Variants in HS6ST2 observed in about 807,000 individuals in gnomAD.
The protein encoded by HS6ST2 is heparan sulfate 6-O-sulfotransferase 2.
HS6ST2 carries 17 observed loss-of-function variants against 33.0 expected under a neutral mutation model. That is an observed-to-expected ratio of 0.52 (90% CI 0.35 to 0.77). The LOEUF (loss-of-function observed/expected upper bound fraction) is 0.77. HS6ST2 is among the 30% of genes least tolerant of loss of function. HS6ST2 has a pLI of 0.01. For synonymous variants in HS6ST2, 248 were observed against 237.1 expected (o/e 1.05, Z -0.42); for missense variants, 519 against 551.7 (o/e 0.94, Z 0.59).
intron 2 of HS6ST2, among the ~76,000 whole-genome samples, chrX:132,844,469 G>C (rs765739546): frequency 7.2e-5 from 8 of 111,499 alleles, no homozygotes; most frequent in Non-Finnish European, 1.3e-4. Context: ...TAAAGGTTCT[G>C]CCTGGATGAG....
intron 4 of HS6ST2, 42 bp from the exon 5 acceptor site, chrX:132,629,135 G>A (rs770666500): frequency 4.4e-6 from 5 of 1,141,736 alleles, no homozygotes; most frequent in East Asian, 3.2e-5. Context: ...AGATATGGGC[G>A]AAATAAGTGG....
intron 3 of HS6ST2, among the ~76,000 whole-genome samples, chrX:132,672,184 A>G (rs756782699): frequency 1.4e-3 from 159 of 111,059 alleles, no homozygotes; most frequent in Non-Finnish European, 2.4e-3. Context: ...GCAAAGACCT[A>G]AAGATTAAGA....
chrX:132,681,075 AT>A (rs2063967315), intron 3 of HS6ST2, among the ~76,000 whole-genome samples: 1 of 109,087 alleles, frequency 9.2e-6, no homozygotes, highest in South Asian at 4.0e-4. Flanking sequence ...TGGTGCACTT[AT>A]CTGATTAGCT....
chrX:132,715,311 T>C (rs934334700), intron 2 of HS6ST2, among the ~76,000 whole-genome samples: 7 of 111,516 alleles, frequency 6.3e-5, no homozygotes, highest in African/African-American at 2.3e-4. Context: ...GTCATGTGCC[T>C]GTGGTCCCAG....
At chrX:132,807,254 T>C (rs961141065) in intron 2 of HS6ST2, among the ~76,000 whole-genome samples, 9 of 110,503 alleles carry the variant, frequency 8.1e-5, no homozygotes, top group South Asian at 3.8e-4. Context: ...CCCAGGAAGA[T>C]GTGAATACAG....
intron 2 of HS6ST2, among the ~76,000 whole-genome samples, chrX:132,935,549 G>A (rs184584558): frequency 1.4e-4 from 16 of 111,802 alleles, no homozygotes; most frequent in Non-Finnish European, 3.0e-4. Context: ...ATTTTTGGTA[G>A]AAATAGAGTT....
At chrX:132,793,048 CTTTTTTT>C (rs755535720) in intron 2 of HS6ST2, among the ~76,000 whole-genome samples, 1 of 53,247 alleles carries the variant, frequency 1.9e-5, no homozygotes, top group Non-Finnish European at 3.1e-5. Context: ...AAATAAACTC[CTTTTTTT>C]TTTTTTTTTT....
chrX:132,825,423 G>A (rs937183771), intron 2 of HS6ST2, among the ~76,000 whole-genome samples: 14 of 111,601 alleles, frequency 1.3e-4, no homozygotes, highest in Admixed American at 7.6e-4. Context: ...GAGGTGGTAC[G>A]TCAGCACTTG....
chrX:132,692,232 C>T (rs1168092770), intron 3 of HS6ST2, among the ~76,000 whole-genome samples: 1 of 111,226 alleles, frequency 9.0e-6, no homozygotes, highest in Admixed American at 9.5e-5. Context: ...CTCAGTTTAA[C>T]AATGATCAGG....
intron 2 of HS6ST2, among the ~76,000 whole-genome samples, chrX:132,850,015 T>C (rs980352955): frequency 1.8e-5 from 2 of 112,202 alleles, no homozygotes; most frequent in African/African-American, 3.2e-5. Flanking sequence ...AACTACCTCT[T>C]AGCAGAAGGC....
chrX:132,931,952 G>C (rs62599053), intron 2 of HS6ST2, among the ~76,000 whole-genome samples: 2 of 107,861 alleles, frequency 1.9e-5, no homozygotes, highest in African/African-American at 3.4e-5. Context: ...TTTGGGAGCC[G>C]AAGGTGGGCG....
intron 3 of HS6ST2, 63 bp downstream of exon 3, chrX:132,708,399 T>C (rs1263876650): frequency 3.7e-6 from 3 of 819,352 alleles, no homozygotes; most frequent in Admixed American, 4.1e-5. Context: ...GACAGGCAAC[T>C]GCAGAGTCTC....
chrX:132,636,469 T>G (rs2063551613), intron 4 of HS6ST2, among the ~76,000 whole-genome samples: 1 of 112,041 alleles, frequency 8.9e-6, no homozygotes, highest in Non-Finnish European at 1.9e-5. Flanking sequence ...AAGAATCTTA[T>G]TTTTTATTCT....
In HS6ST2 at chrX:132,883,133, T is replaced by C. The variant is rs374366507; in HGVS notation, c.947+73675A>G. On this transcript the variant is annotated intron_variant, in intron 2 of 4. Transcript: ENST00000370833. Reference sequence around the variant, plus strand: ...GCCAGGCTTTGGTATCAGGATGATGTTGGCCTCATAAAATGAGTTAGGGAG... The same window carrying C: ...GCCAGGCTTTGGTATCAGGATGATGCTGGCCTCATAAAATGAGTTAGGGAG... Among the ~76,000 whole-genome samples the C allele has an allele frequency of 4.5e-5, 5 of 111,374 alleles. No individual in the cohort carries two copies. The East Asian group carries it at 1.4e-3, about 31-fold the overall frequency.
intron 2 of HS6ST2, among the ~76,000 whole-genome samples, chrX:132,808,250 T>C (rs1454517972): frequency 8.9e-6 from 1 of 112,204 alleles, no homozygotes; most frequent in Admixed American, 9.4e-5. Context: ...CATTTCCAAA[T>C]GTCACACTCC....
chrX:132,751,588 T>C (rs1212237292), intron 2 of HS6ST2, among the ~76,000 whole-genome samples: 1 of 112,085 alleles, frequency 8.9e-6, no homozygotes, highest in Non-Finnish European at 1.9e-5. Context: ...CTGGAAACCC[T>C]TTCTTGACCA....
At chrX:132,736,436 A>C (rs1479071622) in intron 2 of HS6ST2, among the ~76,000 whole-genome samples, 1 of 111,828 alleles carries the variant, frequency 8.9e-6, no homozygotes, top group East Asian at 2.8e-4. Context: ...ACGTCTTTTA[A>C]GTACTCTCTA....
At chrX:132,950,800 C>CT (rs752207768) in intron 2 of HS6ST2, among the ~76,000 whole-genome samples, 37 of 110,986 alleles carry the variant, frequency 3.3e-4, no homozygotes, top group South Asian at 1.9e-3. Context: ...TTCGTTTTGG[C>CT]TTTTTTTTGA....
At chrX:132,672,295 T>G (rs2063888707) in intron 3 of HS6ST2, among the ~76,000 whole-genome samples, 1 of 101,665 alleles carries the variant, frequency 9.8e-6, no homozygotes, top group Non-Finnish European at 2.0e-5. Context: ...ATTTTGGATA[T>G]ATGAGATTGG....
Sources: allele counts gnomAD v4.1 joint callset (sites outside exome capture counted in the v4.1 genomes callset), GRCh38; gene constraint gnomAD v4.1.1; transcripts MANE v1.5; gene names NCBI Gene and HGNC (gene_info 2026-07-23, HGNC 2026-07-21).